The following MAPK8IP3 variants were observed in gnomAD, a reference collection of about 807,000 sequenced individuals.
The protein encoded by MAPK8IP3 is mitogen-activated protein kinase 8 interacting protein 3, also known as C-Jun-amino-terminal kinase-interacting protein 3.
In MAPK8IP3, 49 loss-of-function variants were observed where a neutral mutation model predicts 157.8. The ratio of observed to expected loss-of-function variants is 0.31; its 90% CI spans 0.25 to 0.39. MAPK8IP3 has a LOEUF of 0.39. Ranked by LOEUF, MAPK8IP3 falls within the 10% of genes least tolerant of loss-of-function variation. MAPK8IP3 has a pLI of 1.00. For synonymous variants in MAPK8IP3, 897 were observed against 777.7 expected (o/e 1.15, Z -2.55); for missense variants, 1,478 against 1,889.4 (o/e 0.78, Z 4.04).
chr16:1,768,688 C>T lies in MAPK8IP3; in HGVS notation c.3893-15C>T. On this transcript the variant is annotated splice_polypyrimidine_tract_variant and intron_variant, in intron 31 of 31. Transcript: ENST00000610761. The stretch of plus-strand genomic sequence containing the variant: ...CGGGGGGAGCCTGGCCGTCACTCTG[C>T]TGCTTTGCCCGCAGGAGACGGAGAG... The T allele has an allele frequency of 1.9e-6, 3 of 1,611,784 alleles. No individual in the cohort carries two copies. The highest frequency in any genetic ancestry group is 1.7e-6 in the Non-Finnish European group (2 of 1,179,288).
chr16:1,763,135 G>A, intron 16 of MAPK8IP3, 129 bp downstream of exon 16: 1 of 1,243,592 alleles, frequency 8.0e-7, no homozygotes, highest in South Asian at 1.4e-5. Flanking sequence ...CACATGCCAG[G>A]GGCCGTGACC....
chr16:1,736,529 C>T (rs1223312279), intron 4 of MAPK8IP3, among the ~76,000 whole-genome samples: 4 of 54,266 alleles, frequency 7.4e-5, no homozygotes, highest in Non-Finnish European at 9.5e-5. Flanking sequence ...TGTGACCGTC[C>T]GTGTGAGCAT....
chr16:1,737,947 T>C (rs111163755), intron 4 of MAPK8IP3, among the ~76,000 whole-genome samples: 81 of 50,736 alleles, frequency 1.6e-3, no homozygotes, highest in African/African-American at 6.6e-3. Context: ...TCCGTGTGAC[T>C]GTCCGTGTGA....
intron 13 of MAPK8IP3, 77 bp downstream of exon 13, chr16:1,761,382 A>G (rs1382327982): frequency 1.6e-6 from 2 of 1,250,248 alleles, no homozygotes; most frequent in East Asian, 4.7e-5. Context: ...ACCGTTCACC[A>G]TTCACACACA....
At chr16:1,759,160 G>T (rs1020038015) in intron 10 of MAPK8IP3, among the ~76,000 whole-genome samples, 165 bp downstream of exon 10, 23 of 152,216 alleles carry the variant, frequency 1.5e-4, no homozygotes, top group Admixed American at 3.3e-4. Flanking sequence ...CTGCCTCTGG[G>T]CTGTGGGAGG....
intron 1 of MAPK8IP3, among the ~76,000 whole-genome samples, chr16:1,721,826 G>A (rs557879586): frequency 6.4e-4 from 98 of 152,240 alleles, no homozygotes; most frequent in African/African-American, 2.3e-3. Flanking sequence ...CTGGAGTGCA[G>A]TGGCGTGATC....
At chr16:1,761,144 C>T (rs747704185) in intron 12 of MAPK8IP3, 80 bp from the exon 13 acceptor site, 57 of 1,114,756 alleles carry the variant, frequency 5.1e-5, no homozygotes, top group Middle Eastern at 2.1e-4. Flanking sequence ...GACACAGGTT[C>T]GGGGCGGGCA....
chr16:1,743,465 T>G lies in MAPK8IP3; in HGVS notation c.736T>G (p.Ser246Ala). ...LSDLGQLQSS[S>A]SYQCPQDEMS... is the part of the protein sequence containing the mutation. ...TGACCTCGGCCAGCTGCAGTCCAGCTCCAGCTACCAGGTTTTGTAGCCGTG... is the reference window on the plus strand; with the variant it reads ...TGACCTCGGCCAGCTGCAGTCCAGCGCCAGCTACCAGGTTTTGTAGCCGTG... The change falls in exon 5 of 32, where the codon TCC becomes GCC. Residue 246 changes from serine to alanine, a missense_variant. By Grantham distance (99) the Ser-to-Ala change is moderately conservative. Transcript: ENST00000610761. This position sits in a 1 kb window ranked among gnomAD's most constrained non-coding sequence, Gnocchi z 5.6. 6.2e-7 allele frequency: 1 copy of G among 1,609,868 alleles called. No homozygotes were observed. Among genetic ancestry groups the G allele is most frequent in the Non-Finnish European group, 8.5e-7 (1 of 1,178,948 alleles).
At chr16:1,755,811 C>T (rs899029333) in intron 8 of MAPK8IP3, among the ~76,000 whole-genome samples, 21 of 146,610 alleles carry the variant, frequency 1.4e-4, no homozygotes, top group Non-Finnish European at 2.5e-4. Flanking sequence ...AAGATCGCGC[C>T]GTTGCACTCC....
At chr16:1,760,615 C>T (rs1200757391) in intron 12 of MAPK8IP3, 83 bp downstream of exon 12, 1 of 1,510,670 alleles carries the variant, frequency 6.6e-7, no homozygotes, top group East Asian at 2.3e-5. Flanking sequence ...AGTGCCTGCT[C>T]TCCAGCCTGA....
intron 2 of MAPK8IP3, among the ~76,000 whole-genome samples, chr16:1,728,312 C>G (rs979932523): frequency 7.9e-5 from 12 of 152,230 alleles, no homozygotes; most frequent in African/African-American, 2.9e-4. Context: ...CTCCCCAGCC[C>G]TCGGCGTGTG....
intron 8 of MAPK8IP3, among the ~76,000 whole-genome samples, chr16:1,754,623 T>C (rs2041487064): frequency 6.6e-6 from 1 of 151,836 alleles, no homozygotes; most frequent in African/African-American, 2.4e-5. Context: ...AATACAAAAA[T>C]TACCCGGGTG....
chr16:1,763,732 C>T lies in MAPK8IP3; in HGVS notation c.1974C>T (p.Asp658=), dbSNP rs778057695. 8 of 1,593,594 alleles carry T rather than the reference C, an allele frequency of 5.0e-6. No homozygotes were observed. The highest frequency in any genetic ancestry group is 2.3e-5 in the East Asian group (1 of 43,632). The change falls in exon 17 of 32, where the codon GAC becomes GAT. Residue 658 remains aspartate (D), a synonymous_variant. Transcript: ENST00000610761. ...AGGTGCGTGAGCACGTGCGTAACGACGACGGCCGTCTGCAGGCCTGCGGCT... is the reference window on the plus strand; with the variant it reads ...AGGTGCGTGAGCACGTGCGTAACGATGACGGCCGTCTGCAGGCCTGCGGCT... The part of the protein sequence containing the change: ...YRQVREHVRN[D]DGRLQACGWS...
Position 1,759,974 on chromosome 16 carries a change from G to C in MAPK8IP3, c.1263G>C (p.Val421=). The C allele has an allele frequency of 1.2e-6, 2 of 1,614,196 alleles. No homozygotes were observed. The highest frequency in any genetic ancestry group is 8.5e-7 in the Non-Finnish European group (1 of 1,180,020). The part of the protein sequence containing the change: ...RDDFFGMGKE[V]GNLLLENSQL... Reference sequence around the variant, plus strand: ...CTGTTTCAGGAATGGGCAAAGAAGTGGGGAATCTGCTACTGGAAAACTCAC... The same window carrying C: ...CTGTTTCAGGAATGGGCAAAGAAGTCGGGAATCTGCTACTGGAAAACTCAC... Residue 421 remains valine (V), a synonymous_variant, in exon 11 of 32, where the codon GTG becomes GTC. Coordinates refer to ENST00000610761, the MANE Select transcript of MAPK8IP3 (RefSeq NM_001318852.2).
chr16:1,747,507 G>T (rs1567182989), intron 6 of MAPK8IP3, among the ~76,000 whole-genome samples: 1 of 152,186 alleles, frequency 6.6e-6, no homozygotes, highest in Non-Finnish European at 1.5e-5. Context: ...GCATCCCCTG[G>T]GTGTGTCTGT....
chr16:1,733,405 A>T (rs914959603), intron 4 of MAPK8IP3, among the ~76,000 whole-genome samples: 4 of 152,116 alleles, frequency 2.6e-5, no homozygotes, highest in Admixed American at 2.0e-4. Flanking sequence ...GGGCCATGTG[A>T]GCTCAGCCAA....
At chr16:1,748,767 G>T (rs1357292691) in intron 8 of MAPK8IP3, 47 bp downstream of exon 8, 2 of 1,500,106 alleles carry the variant, frequency 1.3e-6, no homozygotes, top group South Asian at 2.3e-5. Context: ...ACAATGCTGG[G>T]GCTTTCTGCT....
intron 5 of MAPK8IP3, chr16:1,744,301 G>T: frequency 2.0e-6 from 2 of 985,852 alleles, no homozygotes; most frequent in Non-Finnish European, 2.4e-6. Context: ...CCTGTGGGCT[G>T]GGTTGGGCTG....
intron 4 of MAPK8IP3, among the ~76,000 whole-genome samples, chr16:1,736,191 CGT>C (rs1174700460): frequency 1.0e-5 from 1 of 95,950 alleles, no homozygotes; most frequent in Non-Finnish European, 2.0e-5. Flanking sequence ...TGTGACCGTC[CGT>C]GTGAGCATGT....
Sources: allele counts gnomAD v4.1 joint callset (sites outside exome capture counted in the v4.1 genomes callset), GRCh38; gene constraint gnomAD v4.1.1; non-coding constraint Gnocchi (gnomAD v3.1); transcripts MANE v1.5; gene names NCBI Gene and HGNC (gene_info 2026-07-23, HGNC 2026-07-21).